Variants in BMAL2 observed in about 807,000 individuals in gnomAD.
The protein encoded by BMAL2 is basic helix-loop-helix ARNT like 2.
chr12:27,336,021 TC>T, the BMAL2 span, among the ~76,000 whole-genome samples: 1 of 152,206 alleles, frequency 6.6e-6, no homozygotes, highest in Non-Finnish European at 1.5e-5. Flanking sequence ...TTTTGAAATC[TC>T]CATTTGTGTC....
chr12:27,412,319 A>T, the BMAL2 span, among the ~76,000 whole-genome samples: 4 of 152,188 alleles, frequency 2.6e-5, no homozygotes, highest in African/African-American at 9.7e-5. Flanking sequence ...TGGCTTCAGA[A>T]AACAGAGACT....
At chr12:27,379,893 A>C in the BMAL2 span, among the ~76,000 whole-genome samples, 1 of 152,178 alleles carries the variant, frequency 6.6e-6, no homozygotes, top group Non-Finnish European at 1.5e-5. Flanking sequence ...AGATGCTGAC[A>C]ACTATTTATG....
chr12:27,358,066 A>G, the BMAL2 span, among the ~76,000 whole-genome samples: 1 of 151,998 alleles, frequency 6.6e-6, no homozygotes, highest in Non-Finnish European at 1.5e-5. Context: ...TAATTAAACT[A>G]AAAAGCTTCT....
At chr12:27,334,960 T>C in the BMAL2 span, among the ~76,000 whole-genome samples, 1 of 152,238 alleles carries the variant, frequency 6.6e-6, no homozygotes, top group East Asian at 1.9e-4. Context: ...TCCATGGCTG[T>C]CGCCCATACT....
chr12:27,394,078 T>A, the BMAL2 span, among the ~76,000 whole-genome samples: 3 of 152,142 alleles, frequency 2.0e-5, no homozygotes, highest in Non-Finnish European at 4.4e-5. Flanking sequence ...ACTACAGATA[T>A]GTATCACTGC....
chr12:27,404,215 A>ATTT, the BMAL2 span, among the ~76,000 whole-genome samples: 2 of 137,682 alleles, frequency 1.5e-5, no homozygotes, highest in East Asian at 2.1e-4. Flanking sequence ...ACCACCATGC[A>ATTT]TTTTTTTTTT....
chr12:27,370,389 C>G, the BMAL2 span, among the ~76,000 whole-genome samples: 1 of 152,118 alleles, frequency 6.6e-6, no homozygotes, highest in Non-Finnish European at 1.5e-5. Flanking sequence ...AGATTCTATT[C>G]CCTTTAATGA....
At chr12:27,368,187 A>T in the BMAL2 span, 4 of 1,518,512 alleles carry the variant, frequency 2.6e-6, no homozygotes, top group Non-Finnish European at 3.6e-6. Context: ...GTCATTTAAA[A>T]TGTGTGATAT....
the BMAL2 span, among the ~76,000 whole-genome samples, chr12:27,374,154 A>G: frequency 1.3e-5 from 2 of 152,212 alleles, no homozygotes; most frequent in Non-Finnish European, 2.9e-5. Flanking sequence ...AAGCAAAGAC[A>G]TGATTTTAAA....
the BMAL2 span, among the ~76,000 whole-genome samples, chr12:27,387,706 T>C: frequency 6.6e-6 from 1 of 152,240 alleles, no homozygotes; most frequent in Non-Finnish European, 1.5e-5. Flanking sequence ...TTATAATCAT[T>C]GCATGACAGC....
the BMAL2 span, among the ~76,000 whole-genome samples, chr12:27,354,669 AGT>A: frequency 6.6e-6 from 1 of 152,226 alleles, no homozygotes; most frequent in African/African-American, 2.4e-5. Context: ...TTGTGTATAA[AGT>A]GTATATGAAA....
chr12:27,363,620 C>T, the BMAL2 span, among the ~76,000 whole-genome samples: 1 of 152,110 alleles, frequency 6.6e-6, no homozygotes, highest in Non-Finnish European at 1.5e-5. Flanking sequence ...TTATGAAGTG[C>T]CTATTCAAGT....
chr12:27,400,834 C>A, the BMAL2 span: 2 of 1,429,680 alleles, frequency 1.4e-6, no homozygotes, highest in Non-Finnish European at 1.9e-6. Context: ...CTATTAAAGG[C>A]GTGTCTTAGT....
At chr12:27,367,822 G>T in the BMAL2 span, among the ~76,000 whole-genome samples, 2 of 44,450 alleles carry the variant, frequency 4.5e-5, no homozygotes, top group South Asian at 1.1e-3. Flanking sequence ...TAATGTGTGT[G>T]TGTGTGTGTA....
At chr12:27,392,248 A>G in the BMAL2 span, among the ~76,000 whole-genome samples, 1 of 152,354 alleles carries the variant, frequency 6.6e-6, no homozygotes, top group Non-Finnish European at 1.5e-5. Flanking sequence ...GGTTGTTACC[A>G]GGATTAAATG....
At chr12:27,345,251 C>CT in the BMAL2 span, among the ~76,000 whole-genome samples, 1 of 152,200 alleles carries the variant, frequency 6.6e-6, no homozygotes, top group Non-Finnish European at 1.5e-5. Flanking sequence ...AAAGGTAGTG[C>CT]TGGGGAGGGC....
At chr12:27,389,824 T>C in the BMAL2 span, 1 of 282,576 alleles carries the variant, frequency 3.5e-6, no homozygotes, top group Non-Finnish European at 6.5e-6. Flanking sequence ...TAATTTTTAT[T>C]TCATTTCACT....
chr12:27,360,051 T>TAAAA, the BMAL2 span, among the ~76,000 whole-genome samples: 2 of 115,248 alleles, frequency 1.7e-5, no homozygotes, highest in East Asian at 2.4e-4. Flanking sequence ...AGACCCTATT[T>TAAAA]AAAAAAAAAA....
the BMAL2 span, among the ~76,000 whole-genome samples, chr12:27,376,965 C>T: frequency 1.3e-4 from 17 of 134,018 alleles, no homozygotes; most frequent in Non-Finnish European, 4.6e-5. Flanking sequence ...CGCGCCACTG[C>T]ACTCCAGCCT....
Sources: gnomAD v4.1 joint callset for allele counts (sites outside exome capture counted in the v4.1 genomes callset) on GRCh38, gnomAD v4.1.1 for gene constraint, MANE v1.5 for transcripts, NCBI Gene and HGNC (gene_info 2026-07-23, HGNC 2026-07-21) for gene names.